ZBBX: variants seen among roughly 807,000 people sequenced by gnomAD.
The protein encoded by ZBBX is zinc finger B-box domain-containing protein 1.
ZBBX carries 101 observed loss-of-function variants against 108.5 expected under a neutral mutation model. The observed-to-expected ratio is 0.93, with a 90% CI of 0.79 to 1.10. ZBBX has a LOEUF of 1.10. Among genes scored for constraint, ZBBX ranks in the 50% least tolerant of loss-of-function variants. The pLI is 0.00. For synonymous variants in ZBBX, 356 were observed against 323.4 expected (o/e 1.10, Z -1.08); for missense variants, 1,009 against 941.4 (o/e 1.07, Z -0.94).
intron 20 of ZBBX, chr3:167,248,770 C>T (rs1200885996): frequency 1.3e-5 from 5 of 395,874 alleles, no homozygotes; most frequent in African/African-American, 2.1e-5. Context: ...TGCTTCATGG[C>T]ATAAACAGGC....
At chr3:167,284,309 C>T (rs1729340796) in intron 19 of ZBBX, among the ~76,000 whole-genome samples, 1 of 151,856 alleles carries the variant, frequency 6.6e-6, no homozygotes, top group South Asian at 2.1e-4. Flanking sequence ...GAACCAAACT[C>T]TCCAAGTCTA....
chr3:167,260,616 A>G (rs1282229533), intron 20 of ZBBX, among the ~76,000 whole-genome samples: 1 of 152,086 alleles, frequency 6.6e-6, no homozygotes, highest in African/African-American at 2.4e-5. Flanking sequence ...GTTCAACTCT[A>G]TTGCTGAGAT....
intron 18 of ZBBX, among the ~76,000 whole-genome samples, chr3:167,293,997 A>G (rs889529286): frequency 6.6e-6 from 1 of 152,228 alleles, no homozygotes; most frequent in African/African-American, 2.4e-5. Context: ...AGGGATGTGA[A>G]GAACCTCTTC....
At chr3:167,345,665 C>T (rs1330463696) in intron 9 of ZBBX, among the ~76,000 whole-genome samples, 1 of 151,684 alleles carries the variant, frequency 6.6e-6, no homozygotes, top group Non-Finnish European at 1.5e-5. Flanking sequence ...TCTGTGGTCT[C>T]CCATCAAGCT....
At chr3:167,204,786 G>T in the ZBBX span, among the ~76,000 whole-genome samples, 1 of 151,920 alleles carries the variant, frequency 6.6e-6, no homozygotes, top group East Asian at 1.9e-4. Context: ...TCTAGAACTA[G>T]AAAAATCAAT....
intron 2 of ZBBX, among the ~76,000 whole-genome samples, chr3:167,375,623 C>A (rs146957437): frequency 5.3e-5 from 8 of 151,890 alleles, no homozygotes; most frequent in Non-Finnish European, 1.2e-4. Context: ...CCATTATACA[C>A]CAACAAACAC....
chr3:167,382,927 T>C (rs183051083), upstream of ZBBX, among the ~76,000 whole-genome samples: 112 of 152,262 alleles, frequency 7.4e-4, no homozygotes, highest in African/African-American at 2.7e-3. Context: ...TTAACCAGTT[T>C]TGTATCTAAC....
chr3:167,272,797 G>A (rs1726766166), intron 20 of ZBBX, among the ~76,000 whole-genome samples: 1 of 152,170 alleles, frequency 6.6e-6, no homozygotes, highest in African/African-American at 2.4e-5. Context: ...CTTAACAAAT[G>A]TAGGAAAACA....
At chr3:167,202,466 G>C in the ZBBX span, among the ~76,000 whole-genome samples, 2 of 150,058 alleles carry the variant, frequency 1.3e-5, no homozygotes, top group Admixed American at 6.8e-5. Flanking sequence ...AATGGTCTAT[G>C]AAATTCTATT....
chr3:167,271,953 A>G (rs902035032), intron 20 of ZBBX, among the ~76,000 whole-genome samples: 8 of 152,244 alleles, frequency 5.3e-5, no homozygotes, highest in African/African-American at 1.9e-4. Context: ...TGACTCAGAC[A>G]ATGGAACCCA....
At chr3:167,215,341 C>T in the ZBBX span, among the ~76,000 whole-genome samples, 1 of 152,082 alleles carries the variant, frequency 6.6e-6, no homozygotes, top group African/African-American at 2.4e-5. Context: ...TCAGAAACTA[C>T]TATGAACACC....
chr3:167,396,118 A>T (rs1748229007), intron 1 of ZBBX, among the ~76,000 whole-genome samples: 1 of 152,018 alleles, frequency 6.6e-6, no homozygotes. Context: ...GCAAAAATAC[A>T]GTTCCTGAAT....
chr3:167,389,817 G>GT (rs35085003), intron 1 of ZBBX, among the ~76,000 whole-genome samples: 69,464 of 150,494 alleles, frequency 0.46, 16,810 homozygotes, highest in African/African-American at 0.62. Flanking sequence ...ACTTTTTGAT[G>GT]TTTTTTTTTC....
chr3:167,316,975 T>C, intron 14 of ZBBX, 30 bp downstream of exon 14: 2 of 1,339,966 alleles, frequency 1.5e-6, no homozygotes, highest in Non-Finnish European at 2.1e-6. Context: ...TTAAAAATCA[T>C]GAATGGTCAT....
At chr3:167,192,948 C>T in the ZBBX span, among the ~76,000 whole-genome samples, 5 of 152,302 alleles carry the variant, frequency 3.3e-5, no homozygotes. Flanking sequence ...ATTCACATGT[C>T]ACCATTTTTT....
At position 167,367,833 on chromosome 3, in the gene ZBBX, C is replaced by T. The variant is rs1251696687; in HGVS notation, c.182+628G>A. On this transcript the variant is annotated intron_variant, in intron 5 of 21. Coordinates refer to ENST00000675490, the MANE Select transcript of ZBBX (RefSeq NM_001199201.2). Reference sequence around the variant, plus strand: ...TTTATATTATTTTATAACAAAACAACAAATTCAGTATAATTAGTACAAATA... The same window carrying T: ...TTTATATTATTTTATAACAAAACAATAAATTCAGTATAATTAGTACAAATA... 2.7e-5 allele frequency among the ~76,000 whole-genome samples: 4 copies of T among 150,774 alleles called. No individual in the cohort carries two copies. The East Asian group carries it at 5.8e-4, about 22-fold the overall frequency.
chr3:167,290,323 G>A (rs1730461826), intron 18 of ZBBX, among the ~76,000 whole-genome samples: 1 of 152,150 alleles, frequency 6.6e-6, no homozygotes, highest in Non-Finnish European at 1.5e-5. Flanking sequence ...GCATCTGGTG[G>A]GTGCCTCACT....
At chr3:167,334,444 T>C (rs1310165849) in intron 9 of ZBBX, among the ~76,000 whole-genome samples, 3 of 151,878 alleles carry the variant, frequency 2.0e-5, no homozygotes, top group Admixed American at 1.3e-4. Context: ...CATGGTGGTG[T>C]GTGCCTGTAG....
intron 9 of ZBBX, among the ~76,000 whole-genome samples, chr3:167,336,845 T>C (rs1291413364): frequency 6.6e-6 from 1 of 152,226 alleles, no homozygotes; most frequent in Non-Finnish European, 1.5e-5. Context: ...TTAACTTATT[T>C]TTGCCTGTTT....
Sources: allele counts gnomAD v4.1 joint callset (sites outside exome capture counted in the v4.1 genomes callset), GRCh38; gene constraint gnomAD v4.1.1; transcripts MANE v1.5; gene names NCBI Gene and HGNC (gene_info 2026-07-23, HGNC 2026-07-21).